PIK3C2G: variants seen among roughly 807,000 people sequenced by gnomAD.
The protein encoded by PIK3C2G is phosphatidylinositol 3-kinase C2 domain-containing subunit gamma.
Under a neutral mutation model 181.1 loss-of-function variants are expected in PIK3C2G, and 168 were observed. The ratio of observed to expected loss-of-function variants is 0.93; its 90% confidence interval spans 0.82 to 1.05. The LOEUF is 1.05. Among genes scored for constraint, PIK3C2G ranks in the 50% least tolerant of loss-of-function variants. The probability of loss-of-function intolerance (pLI) is 0.00; values close to 1 mark genes in which losing one functional copy is unlikely to be tolerated. For missense variants in PIK3C2G, 1,869 were observed against 1,732.8 expected, an observed-to-expected ratio of 1.08 and a Z score of -1.40; for synonymous variants, 573 against 592.2, an observed-to-expected ratio of 0.97 and a Z score of 0.47.
chr12:18,559,829 G>T (rs1354675324), intron 26 of PIK3C2G, among the ~76,000 whole-genome samples: 213 of 54,286 alleles, frequency 3.9e-3, no homozygotes, highest in East Asian at 6.4e-3. Flanking sequence ...TATAGAGAGA[G>T]AGAGAGAGAG....
chr12:18,421,066 G>A (rs1246637118), intron 17 of PIK3C2G, 32 bp downstream of exon 17: 1 of 1,139,120 alleles, frequency 8.8e-7, no homozygotes, highest in African/African-American at 1.5e-5. Context: ...AGGAAACCCA[G>A]GGTTTTAACT....
At chr12:18,245,492 G>A (rs1948030590), upstream of PIK3C2G, among the ~76,000 whole-genome samples, 1 of 121,102 alleles carries the variant, frequency 8.3e-6, no homozygotes, top group Non-Finnish European at 1.8e-5. Flanking sequence ...GAGTGATTTG[G>A]GAGGGAAAAA....
At chr12:18,334,337 A>G (rs1449906669) in intron 8 of PIK3C2G, among the ~76,000 whole-genome samples, 1 of 152,158 alleles carries the variant, frequency 6.6e-6, no homozygotes, top group Non-Finnish European at 1.5e-5. Context: ...CTAGGTGTGC[A>G]ACCATTTGTT....
At chr12:18,363,884 G>T (rs2137814103) in intron 12 of PIK3C2G, among the ~76,000 whole-genome samples, 1 of 152,134 alleles carries the variant, frequency 6.6e-6, no homozygotes, top group Non-Finnish European at 1.5e-5. Flanking sequence ...AACTAAATCT[G>T]CCTTCTTATA....
At chr12:18,605,137 T>G (rs1381314707) in intron 30 of PIK3C2G, among the ~76,000 whole-genome samples, 1 of 152,090 alleles carries the variant, frequency 6.6e-6, no homozygotes, top group Non-Finnish European at 1.5e-5. Flanking sequence ...TGATAGACCA[T>G]TAGCAAGATT....
chr12:18,249,040 T>C (rs1948070204), intron 1 of PIK3C2G, among the ~76,000 whole-genome samples: 1 of 152,198 alleles, frequency 6.6e-6, no homozygotes, highest in South Asian at 2.1e-4. Flanking sequence ...TTGAAAGTTG[T>C]TGGATTTCTT....
At chr12:18,481,182 C>A (rs1319159589) in intron 18 of PIK3C2G, among the ~76,000 whole-genome samples, 1 of 152,116 alleles carries the variant, frequency 6.6e-6, no homozygotes, top group East Asian at 1.9e-4. Context: ...GATCAGCCCA[C>A]CTAGGCCTCC....
chr12:18,439,332 C>A lies in PIK3C2G; in HGVS notation c.2504+15293C>A, dbSNP rs1334502165. ...GATACATGTTTTTGCATTTCAATAG[C>A]CAACACATATTTCACTCACATCCCT... On this transcript the variant is annotated intron_variant, in intron 18 of 32. Coordinates refer to ENST00000538779, the MANE Select transcript of PIK3C2G (RefSeq NM_001288772.2). Among the ~76,000 whole-genome samples the A allele has an allele frequency of 2.0e-5, 3 of 152,066 alleles. No homozygotes were observed. The East Asian group carries it at 5.8e-4, about 29-fold the overall frequency.
intron 18 of PIK3C2G, among the ~76,000 whole-genome samples, chr12:18,438,390 G>C (rs149260106): frequency 1.3e-5 from 2 of 151,820 alleles, no homozygotes; most frequent in East Asian, 3.9e-4. Flanking sequence ...ACTCCAGTGT[G>C]GCTCTGACTG....
rs555981895 is a variant in PIK3C2G, at chr12:18,471,622, T to A, written c.2505-16827T>A. Among the ~76,000 whole-genome samples the A allele has an allele frequency of 7.0e-3, 1,072 of 152,232 alleles. 6 individuals carry two copies. Among genetic ancestry groups the A allele is most frequent in the African/African-American group, 0.019 (788 of 41,546 alleles). ...CAACACCTACCCATCCATATCTTAT[T>A]TTTTTAGGATTCAATTCACAGAGCA... On this transcript the variant is annotated intron_variant, in intron 18 of 32. Coordinates refer to ENST00000538779, the MANE Select transcript of PIK3C2G (RefSeq NM_001288772.2).
At chr12:18,676,606 T>C in the PIK3C2G span, among the ~76,000 whole-genome samples, 4 of 152,158 alleles carry the variant, frequency 2.6e-5, no homozygotes, top group African/African-American at 9.6e-5. Flanking sequence ...GACTCTGTTG[T>C]AGACTACAAA....
the PIK3C2G span, among the ~76,000 whole-genome samples, chr12:18,709,791 A>C: frequency 1.3e-5 from 2 of 152,164 alleles, no homozygotes; most frequent in Non-Finnish European, 2.9e-5. Flanking sequence ...CTTCTGATTC[A>C]GGAGTATAGG....
chr12:18,570,071 T>G (rs1945844549), intron 29 of PIK3C2G, among the ~76,000 whole-genome samples: 1 of 152,228 alleles, frequency 6.6e-6, no homozygotes, highest in Non-Finnish European at 1.5e-5. Flanking sequence ...TATCAATATT[T>G]TCTTAGTAAG....
intron 29 of PIK3C2G, among the ~76,000 whole-genome samples, chr12:18,589,462 A>T (rs1470152791): frequency 6.6e-6 from 1 of 151,918 alleles, no homozygotes; most frequent in Non-Finnish European, 1.5e-5. Flanking sequence ...AAAATAAATT[A>T]TAGCATCTTT....
chr12:18,725,311 A>G, the PIK3C2G span, among the ~76,000 whole-genome samples: 4 of 152,176 alleles, frequency 2.6e-5, no homozygotes, highest in African/African-American at 9.7e-5. Context: ...GCAATAAGAA[A>G]GAAGGTGCAA....
chr12:18,324,224 A>G (rs1429949228), intron 7 of PIK3C2G, among the ~76,000 whole-genome samples: 1 of 152,018 alleles, frequency 6.6e-6, no homozygotes, highest in African/African-American at 2.4e-5. Flanking sequence ...GTCTCAAAAA[A>G]AAAAAACCAC....
chr12:18,589,198 AAAG>A (rs993343736), intron 29 of PIK3C2G, among the ~76,000 whole-genome samples: 5 of 151,984 alleles, frequency 3.3e-5, no homozygotes, highest in Non-Finnish European at 5.9e-5. Flanking sequence ...TTAAAAAAAG[AAAG>A]AAGATTAAAG....
At chr12:18,595,076 G>C (rs73068310) in intron 30 of PIK3C2G, among the ~76,000 whole-genome samples, 12 of 151,828 alleles carry the variant, frequency 7.9e-5, no homozygotes, top group African/African-American at 2.7e-4. Context: ...TTAGATTATC[G>C]GCTACATATT....
At chr12:18,512,692 T>C (rs1333199524) in intron 24 of PIK3C2G, among the ~76,000 whole-genome samples, 3 of 151,974 alleles carry the variant, frequency 2.0e-5, no homozygotes, top group Admixed American at 2.0e-4. Flanking sequence ...CTAACAGTTC[T>C]TTAGTGGAGT....
Sources: allele counts gnomAD v4.1 joint callset (sites outside exome capture counted in the v4.1 genomes callset), GRCh38; gene constraint gnomAD v4.1.1; transcripts MANE v1.5; gene names NCBI Gene and HGNC (gene_info 2026-07-23, HGNC 2026-07-21).